The following CD96 variants were observed in gnomAD, a reference collection of about 807,000 sequenced individuals.
The protein encoded by CD96 is T-cell surface protein tactile.
CD96 carries 70 observed loss-of-function variants against 71.3 expected under a neutral mutation model. The ratio of observed to expected loss-of-function variants is 0.98; its 90% CI spans 0.81 to 1.20. CD96 has a LOEUF of 1.20. CD96 is among the 50% of genes most tolerant of loss of function. The probability of loss-of-function intolerance (pLI) is 0.00; values close to 1 mark genes in which losing one functional copy is unlikely to be tolerated. For missense variants in CD96, 742 were observed against 677.5 expected, an observed-to-expected ratio of 1.10 and a Z score of -1.06; for synonymous variants, 248 against 233.0, an observed-to-expected ratio of 1.06 and a Z score of -0.59.
chr3:111,608,958 G>A (rs1559754145), intron 8 of CD96, among the ~76,000 whole-genome samples: 2 of 152,152 alleles, frequency 1.3e-5, no homozygotes, highest in East Asian at 3.8e-4. Flanking sequence ...GTACCTTACA[G>A]AATTAAAATG....
chr3:111,650,182 C>T lies in CD96; in HGVS notation c.*376C>T, dbSNP rs918219713. The T allele has an allele frequency of 4.0e-6, 1 of 247,912 alleles. No individual in the cohort carries two copies. Among genetic ancestry groups the T allele is most frequent in the Non-Finnish European group, 8.2e-6 (1 of 122,634 alleles). The allele number at this position is 247,912 out of a possible 1,614,324, so 15.4% of individuals were successfully genotyped here. A position where few individuals can be genotyped will look rare whatever the true frequency, so the allele number is the denominator to read the frequency against. On this transcript the variant is annotated 3_prime_UTR_variant, in exon 14 of 14. Coordinates refer to ENST00000352690, the MANE Select transcript of CD96 (RefSeq NM_005816.5). ...CTGATCCTCTTATTTGAACATCTAT[C>T]AACATTGTAAACTCTTTGCCAAAAT...
rs765675329 is a variant in CD96 at position 111,600,714 on chromosome 3, T to A, written c.899-12T>A. On this transcript the variant is annotated splice_polypyrimidine_tract_variant and intron_variant, in intron 6 of 13. Coordinates refer to ENST00000352690, the MANE Select transcript of CD96 (RefSeq NM_005816.5). ...ATGTTAGTGTTGAACCATGTTCGTA[T>A]CTGTCTGGCAGGAATATATATTACT... 6.3e-7 allele frequency: 1 copy of A among 1,592,522 alleles called. No homozygotes were observed. Among genetic ancestry groups the A allele is most frequent in the South Asian group, 1.1e-5 (1 of 90,646 alleles).
At chr3:111,553,510 G>T (rs1934833605) in intron 2 of CD96, among the ~76,000 whole-genome samples, 1 of 145,432 alleles carries the variant, frequency 6.9e-6, no homozygotes, top group Admixed American at 7.1e-5. Flanking sequence ...CTGGTTACAT[G>T]ATATTAAGAG....
chr3:111,553,149 C>A (rs529034320), intron 2 of CD96, among the ~76,000 whole-genome samples: 1 of 57,148 alleles, frequency 1.7e-5, no homozygotes, highest in Non-Finnish European at 3.5e-5. Context: ...TTCAATATCC[C>A]ATCAGCCTGA....
chr3:111,582,907 G>T (rs1455747503), intron 4 of CD96, among the ~76,000 whole-genome samples: 1 of 152,094 alleles, frequency 6.6e-6, no homozygotes, highest in African/African-American at 2.4e-5. Flanking sequence ...CCCATGGCCT[G>T]TCCCAAATCT....
In CD96 at chr3:111,542,357, C is replaced by T. The variant is rs138858332; in HGVS notation, c.61+48C>T. ...CTTGTCGGATGGGCCGCTTTAGGGG[C>T]GGATGGGGCCTCTGTTCATTTAAAA... On this transcript the variant is annotated intron_variant, in intron 1 of 13. Transcript: ENST00000352690. The T allele has an allele frequency of 1.1e-4, 146 of 1,335,304 alleles. 1 individual carries two copies. In the African/African-American group the frequency reaches 1.6e-3, roughly 15 times the overall value. 82.7% of individuals were successfully genotyped at this position (1,335,304 alleles called of 1,614,324 possible).
At chr3:111,573,113 A>G (rs1362602767) in intron 3 of CD96, among the ~76,000 whole-genome samples, 1 of 152,236 alleles carries the variant, frequency 6.6e-6, no homozygotes, top group African/African-American at 2.4e-5. Flanking sequence ...GATGGGATGC[A>G]GTTGGAAGCT....
chr3:111,568,540 A>G (rs934804730), intron 3 of CD96, among the ~76,000 whole-genome samples: 1 of 152,202 alleles, frequency 6.6e-6, no homozygotes, highest in African/African-American at 2.4e-5. Context: ...TGCAGAGTTC[A>G]TCTATACAGA....
At chr3:111,646,347 G>A (rs900433924) in intron 12 of CD96, among the ~76,000 whole-genome samples, 3 of 152,042 alleles carry the variant, frequency 2.0e-5, no homozygotes, top group Non-Finnish European at 4.4e-5. Context: ...TTAAGAAAAA[G>A]AGGCCAGGTG....
Position 111,542,327 on chromosome 3 carries a change from C to T in CD96, c.61+18C>T, listed in dbSNP as rs1324820409. The T allele has an allele frequency of 6.2e-7, 1 of 1,606,430 alleles. No individual in the cohort carries two copies. Among genetic ancestry groups the T allele is most frequent in the Non-Finnish European group, 8.5e-7 (1 of 1,173,014 alleles). On this transcript the variant is annotated intron_variant, in intron 1 of 13. Coordinates refer to ENST00000352690, the MANE Select transcript of CD96 (RefSeq NM_005816.5). ...TGTCAAGGGTAAGACTTCCAGTTGTCCCTTCTTGTCGGATGGGCCGCTTTA... is the reference window on the plus strand; with the variant it reads ...TGTCAAGGGTAAGACTTCCAGTTGTTCCTTCTTGTCGGATGGGCCGCTTTA...
At chr3:111,585,169 A>T (rs1461404541) in intron 4 of CD96, among the ~76,000 whole-genome samples, 154 bp from the exon 5 acceptor site, 6 of 152,054 alleles carry the variant, frequency 3.9e-5, no homozygotes, top group Non-Finnish European at 7.4e-5. Context: ...CCAGGTACAC[A>T]GTGGGCCTGG....
rs775462349 is a variant in CD96 at position 111,561,753 on chromosome 3, G to T, written c.419-5770G>T. ...GGGCTCCACCCAGTTCGAGCTTCCC[G>T]GCTGCTTTGTTTACCTAAGCAAGCC... On this transcript the variant is annotated intron_variant, in intron 2 of 13. Transcript: ENST00000352690. 1.6e-4 allele frequency among the ~76,000 whole-genome samples: 24 copies of T among 146,382 alleles called. No individual in the cohort carries two copies. The East Asian group carries it at 3.5e-3, about 21-fold the overall frequency.
At chr3:111,599,865 T>G (rs56001802) in intron 6 of CD96, among the ~76,000 whole-genome samples, 4,977 of 152,310 alleles carry the variant, frequency 0.033, 271 homozygotes, top group African/African-American at 0.11. Flanking sequence ...ATTACTTTGG[T>G]AAGTAATTAC....
downstream of CD96, among the ~76,000 whole-genome samples, chr3:111,656,144 A>G (rs1940221674): frequency 6.6e-6 from 1 of 152,136 alleles, no homozygotes; most frequent in Non-Finnish European, 1.5e-5. Context: ...GTTGATAAAG[A>G]ACTTACAAAT....
intron 13 of CD96, among the ~76,000 whole-genome samples, chr3:111,649,209 A>G (rs1485958561): frequency 1.3e-5 from 2 of 152,130 alleles, no homozygotes; most frequent in African/African-American, 2.4e-5. Flanking sequence ...TAAAAGAAAC[A>G]TTTCTTCTAT....
At chr3:111,553,223 G>T in intron 2 of CD96, among the ~76,000 whole-genome samples, 1 of 149,514 alleles carries the variant, frequency 6.7e-6, no homozygotes, top group Non-Finnish European at 1.5e-5. Context: ...GTGATTATTT[G>T]GAAATTCCCT....
intron 7 of CD96, among the ~76,000 whole-genome samples, chr3:111,602,141 G>A (rs1937515039): frequency 6.6e-6 from 1 of 152,210 alleles, no homozygotes; most frequent in Non-Finnish European, 1.5e-5. Flanking sequence ...TTGGAACAAT[G>A]TGGAGGTAGC....
At chr3:111,613,206 A>G (rs1233213464) in intron 8 of CD96, among the ~76,000 whole-genome samples, 1 of 152,136 alleles carries the variant, frequency 6.6e-6, no homozygotes, top group Non-Finnish European at 1.5e-5. Flanking sequence ...CTCAGGGTAA[A>G]AGCTATCAGT....
At chr3:111,593,947 C>T (rs1937124873) in intron 5 of CD96, 2 of 1,613,910 alleles carry the variant, frequency 1.2e-6, no homozygotes, top group Admixed American at 1.7e-5. Flanking sequence ...GGCCACGGCT[C>T]ACCTGCCTGC....
Sources: allele counts gnomAD v4.1 joint callset (sites outside exome capture counted in the v4.1 genomes callset), GRCh38; gene constraint gnomAD v4.1.1; transcripts MANE v1.5; gene names NCBI Gene and HGNC (gene_info 2026-07-23, HGNC 2026-07-21).